Variants in KHDRBS3 observed in about 807,000 individuals in gnomAD.
The protein encoded by KHDRBS3 is KH domain-containing, RNA-binding, signal transduction-associated protein 3.
KHDRBS3 carries 23 observed loss-of-function variants against 45.6 expected under a neutral mutation model. The observed-to-expected ratio is 0.50, with a 90% confidence interval of 0.36 to 0.72. KHDRBS3 has a LOEUF of 0.72. Ranked by LOEUF, KHDRBS3 falls within the 30% of genes least tolerant of loss-of-function variation. KHDRBS3 has a pLI of 0.00. For missense variants in KHDRBS3, 352 were observed against 424.8 expected (o/e 0.83, Z 1.51); for synonymous variants, 162 against 156.5 (o/e 1.04, Z -0.26).
downstream of KHDRBS3, chr8:135,648,504 G>A (rs1265353356): frequency 6.6e-6 from 1 of 151,934 alleles, no homozygotes; most frequent in East Asian, 1.9e-4. Flanking sequence ...ATTTTTTTCT[G>A]TTTATGTTGA....
At chr8:135,478,564 G>A (rs1010034385) in intron 1 of KHDRBS3, among the ~76,000 whole-genome samples, 7 of 152,182 alleles carry the variant, frequency 4.6e-5, no homozygotes, top group Non-Finnish European at 8.8e-5. Flanking sequence ...CTCCAGGATA[G>A]ACCACATGCC....
chr8:135,495,674 A>G (rs1392777433), intron 1 of KHDRBS3, among the ~76,000 whole-genome samples: 1 of 152,154 alleles, frequency 6.6e-6, no homozygotes, highest in African/African-American at 2.4e-5. Context: ...AGTTTGTTGA[A>G]GCTACCAAAA....
At chr8:135,469,127 A>T (rs1197831300) in intron 1 of KHDRBS3, among the ~76,000 whole-genome samples, 5 of 152,206 alleles carry the variant, frequency 3.3e-5, no homozygotes, top group Non-Finnish European at 7.3e-5. Flanking sequence ...TGGGTGAAAA[A>T]TTTCAAAATT....
intron 7 of KHDRBS3, among the ~76,000 whole-genome samples, chr8:135,627,900 A>C (rs2131122937): frequency 6.6e-6 from 1 of 152,164 alleles, no homozygotes; most frequent in South Asian, 2.1e-4. Flanking sequence ...GTAGTGAAAA[A>C]CAGGTGGTGT....
chr8:135,582,852 C>T (rs1828283426), intron 6 of KHDRBS3, among the ~76,000 whole-genome samples: 1 of 152,186 alleles, frequency 6.6e-6, no homozygotes, highest in Admixed American at 6.5e-5. Context: ...GTGCTCTGTG[C>T]CTCTTTGCAT....
chr8:135,469,034 G>T (rs1258682366), intron 1 of KHDRBS3, among the ~76,000 whole-genome samples: 7 of 152,248 alleles, frequency 4.6e-5, no homozygotes, highest in Non-Finnish European at 1.0e-4. Context: ...ACTGCAGGCA[G>T]AGCACATGGC....
At chr8:135,630,471 T>A (rs1317838078) in intron 7 of KHDRBS3, among the ~76,000 whole-genome samples, 2 of 42,354 alleles carry the variant, frequency 4.7e-5, no homozygotes, top group African/African-American at 1.5e-4. Flanking sequence ...CCACAATGAG[T>A]TATAAAGTTT....
chr8:135,587,645 CAA>C lies in KHDRBS3; in HGVS notation c.807+5574_807+5575del, dbSNP rs1828541939. ...TATGTCCAAATAATTAAATAACTGA[CAA>C]ATTAATTAGGATAACCCAGTACACA... is the stretch of plus-strand genomic sequence containing the variant. On this transcript the variant is annotated intron_variant, in intron 6 of 8. Transcript: ENST00000355849. 2.0e-5 allele frequency among the ~76,000 whole-genome samples: 3 copies of C among 152,246 alleles called. No individual in the cohort carries two copies. In the South Asian group the frequency reaches 6.2e-4, roughly 32 times the overall value.
intron 3 of KHDRBS3, among the ~76,000 whole-genome samples, chr8:135,547,335 T>C (rs1181079135): frequency 6.6e-6 from 1 of 152,220 alleles, no homozygotes; most frequent in Non-Finnish European, 1.5e-5. Context: ...TTAGGCAGTG[T>C]ACTAGGTAGT....
chr8:135,471,883 C>T (rs572436789), intron 1 of KHDRBS3, among the ~76,000 whole-genome samples: 20 of 152,184 alleles, frequency 1.3e-4, no homozygotes, highest in Non-Finnish European at 2.5e-4. Flanking sequence ...ACACTGCGAT[C>T]GTGATGTTTG....
chr8:135,460,166 A>G (rs1028489624), intron 1 of KHDRBS3, among the ~76,000 whole-genome samples: 2 of 152,122 alleles, frequency 1.3e-5, no homozygotes, highest in African/African-American at 4.8e-5. Context: ...GTTATGGGCT[A>G]TTTTTTCTTA....
chr8:135,565,142 C>T (rs536749909), intron 5 of KHDRBS3, among the ~76,000 whole-genome samples: 3 of 152,194 alleles, frequency 2.0e-5, no homozygotes, highest in Admixed American at 1.3e-4. Context: ...ACTCATTGTT[C>T]GTGATTCCCG....
At chr8:135,485,955 C>T (rs1413971563) in intron 1 of KHDRBS3, among the ~76,000 whole-genome samples, 1 of 151,342 alleles carries the variant, frequency 6.6e-6, no homozygotes, top group East Asian at 1.9e-4. Flanking sequence ...GCCTTAGCTC[C>T]CGTCTGGTGT....
intron 5 of KHDRBS3, among the ~76,000 whole-genome samples, chr8:135,564,836 C>G (rs1013551780): frequency 1.3e-5 from 2 of 152,054 alleles, no homozygotes; most frequent in African/African-American, 4.8e-5. Flanking sequence ...TGTTCATTAG[C>G]AGGATCTTTT....
At chr8:135,502,124 A>G (rs1166553342) in intron 1 of KHDRBS3, among the ~76,000 whole-genome samples, 1 of 152,200 alleles carries the variant, frequency 6.6e-6, no homozygotes, top group Non-Finnish European at 1.5e-5. Context: ...GAACAGTCAC[A>G]GGGCATTGCC....
intron 1 of KHDRBS3, among the ~76,000 whole-genome samples, chr8:135,495,061 G>T (rs1444270630): frequency 6.6e-6 from 1 of 152,220 alleles, no homozygotes; most frequent in African/African-American, 2.4e-5. Flanking sequence ...GAGCATCTAA[G>T]TGGAATTCTG....
intron 7 of KHDRBS3, among the ~76,000 whole-genome samples, chr8:135,642,838 G>A (rs1831120708): frequency 6.6e-6 from 1 of 151,444 alleles, no homozygotes; most frequent in East Asian, 1.9e-4. Flanking sequence ...CTGTCGCCAG[G>A]CTGGAGTGCA....
At chr8:135,495,386 A>T (rs1823386318) in intron 1 of KHDRBS3, among the ~76,000 whole-genome samples, 1 of 152,174 alleles carries the variant, frequency 6.6e-6, no homozygotes, top group Admixed American at 6.5e-5. Flanking sequence ...CTAAATCCTA[A>T]GTAGAAGTTG....
chr8:135,576,425 G>T (rs187174310), intron 5 of KHDRBS3, among the ~76,000 whole-genome samples: 1 of 152,160 alleles, frequency 6.6e-6, no homozygotes, highest in South Asian at 2.1e-4. Flanking sequence ...ATTTCTGTCA[G>T]TGTGGACTCA....
Sources: allele counts gnomAD v4.1 joint callset (sites outside exome capture counted in the v4.1 genomes callset), GRCh38; gene constraint gnomAD v4.1.1; transcripts MANE v1.5; gene names NCBI Gene and HGNC (gene_info 2026-07-23, HGNC 2026-07-21).